THRB: variants seen among roughly 807,000 people sequenced by gnomAD.
The protein encoded by THRB is thyroid hormone receptor beta.
Under a neutral mutation model 47.8 loss-of-function variants are expected in THRB, and 12 were observed. That is an observed-to-expected ratio of 0.25 (90% confidence interval 0.16 to 0.41). THRB has a LOEUF of 0.41. THRB is among the 10% of genes least tolerant of loss of function. The pLI is 1.00. For missense variants in THRB, 348 were observed against 589.2 expected, an observed-to-expected ratio of 0.59 and a Z score of 4.24; for synonymous variants, 218 against 212.2, an observed-to-expected ratio of 1.03 and a Z score of -0.24.
chr3:24,212,796 T>A (rs990757816), intron 4 of THRB, among the ~76,000 whole-genome samples: 1 of 152,124 alleles, frequency 6.6e-6, no homozygotes, highest in Non-Finnish European at 1.5e-5. Context: ...ATAGCCCTCA[T>A]CTAGATGAAG....
chr3:24,352,076 C>G (rs1479657551), intron 1 of THRB, among the ~76,000 whole-genome samples: 3 of 152,072 alleles, frequency 2.0e-5, no homozygotes, highest in Non-Finnish European at 2.9e-5. Context: ...CTTTATCTCT[C>G]TTTTGAGGGT....
chr3:24,165,601 C>T, intron 5 of THRB: 3 of 445,514 alleles, frequency 6.7e-6, no homozygotes, highest in South Asian at 8.4e-5. Flanking sequence ...TTCTGCCATC[C>T]AAACATATTG....
At chr3:24,317,026 T>A (rs2058164133) in intron 2 of THRB, among the ~76,000 whole-genome samples, 1 of 152,154 alleles carries the variant, frequency 6.6e-6, no homozygotes, top group Non-Finnish European at 1.5e-5. Flanking sequence ...CCCAAATCGG[T>A]TAAGAGTTTC....
intron 5 of THRB, among the ~76,000 whole-genome samples, chr3:24,188,123 G>A (rs962122189): frequency 4.6e-5 from 7 of 152,048 alleles, no homozygotes; most frequent in Non-Finnish European, 8.8e-5. Flanking sequence ...CAACTCTAAC[G>A]TCCCTGAAGC....
chr3:24,303,073 C>A lies in THRB; in HGVS notation c.-188-5702G>T, dbSNP rs2057068962. ...GTAATATTTCTCATTTGGTTGTATT[C>A]ATTATGCCAGTTACATCTTGGCCAA... On this transcript the variant is annotated intron_variant, in intron 2 of 10. Coordinates refer to ENST00000646209, the MANE Select transcript of THRB (RefSeq NM_001354712.2). 2.0e-5 allele frequency among the ~76,000 whole-genome samples: 3 copies of A among 152,178 alleles called. No individual in the cohort carries two copies. The South Asian group carries it at 6.2e-4, about 31-fold the overall frequency.
At chr3:24,265,115 ATTACACTGG>A in intron 3 of THRB, among the ~76,000 whole-genome samples, 1 of 152,324 alleles carries the variant, frequency 6.6e-6, no homozygotes, top group South Asian at 2.1e-4. Flanking sequence ...GGGGAAGAGT[ATTACACTGG>A]AAAAAATAGG....
At chr3:24,127,286 CTTCT>C (rs2033025536) in intron 10 of THRB, among the ~76,000 whole-genome samples, 2 of 152,204 alleles carry the variant, frequency 1.3e-5, no homozygotes, top group Admixed American at 6.5e-5. Context: ...GCTCCTTTGG[CTTCT>C]TTCTATCCTG....
chr3:24,206,175 C>A (rs1479296000), intron 4 of THRB, among the ~76,000 whole-genome samples: 1 of 152,146 alleles, frequency 6.6e-6, no homozygotes, highest in East Asian at 1.9e-4. Context: ...CAGAACTGTC[C>A]ACCCCAAATC....
rs77660678 is a variant in THRB, at chr3:24,378,982, T to A, written c.-260-41611A>T. Among the ~76,000 whole-genome samples the A allele has an allele frequency of 4.0e-3, 616 of 152,244 alleles. 3 individuals carry two copies. The highest frequency in any genetic ancestry group is 0.014 in the African/African-American group (577 of 41,554). ...AAAATGCCAGCACCATTTGAAAGCA[T>A]TTTATAATCATCATCTCATTTAACC... On this transcript the variant is annotated intron_variant, in intron 1 of 10. Transcript: ENST00000646209.
chr3:24,427,065 A>G (rs2069842416), intron 1 of THRB, among the ~76,000 whole-genome samples: 1 of 151,982 alleles, frequency 6.6e-6, no homozygotes, highest in Admixed American at 6.6e-5. Context: ...AAATCCTTCC[A>G]TTCATCATTG....
chr3:24,476,169 A>T (rs1695423439), intron 1 of THRB, among the ~76,000 whole-genome samples: 1 of 152,230 alleles, frequency 6.6e-6, no homozygotes, highest in South Asian at 2.1e-4. Flanking sequence ...CCTGCTGCAC[A>T]AACCACCTTG....
intron 1 of THRB, chr3:24,458,977 A>G (rs902303384): frequency 1.3e-5 from 2 of 151,536 alleles, no homozygotes; most frequent in Admixed American, 6.6e-5. Context: ...TATTTATTAT[A>G]CTTTAAGTTC....
chr3:24,419,466 A>G (rs913053183), intron 1 of THRB, among the ~76,000 whole-genome samples: 1 of 151,820 alleles, frequency 6.6e-6, no homozygotes, highest in Non-Finnish European at 1.5e-5. Flanking sequence ...AAAAAATTCT[A>G]TTTAGGGTTC....
At chr3:24,375,432 TATAATA>T (rs1423615098) in intron 1 of THRB, among the ~76,000 whole-genome samples, 1 of 144,288 alleles carries the variant, frequency 6.9e-6, no homozygotes, top group Non-Finnish European at 1.5e-5. Flanking sequence ...TAGTTAGACA[TATAATA>T]TTAATATATT....
At chr3:24,440,927 G>C (rs1026925760) in intron 1 of THRB, among the ~76,000 whole-genome samples, 8 of 152,104 alleles carry the variant, frequency 5.3e-5, no homozygotes, top group Non-Finnish European at 1.0e-4. Context: ...AGTTTCCATG[G>C]GTCAGGAGTC....
chr3:24,487,338 A>ACACAAG (rs532508934), intron 1 of THRB, among the ~76,000 whole-genome samples: 105 of 148,852 alleles, frequency 7.1e-4, no homozygotes, highest in African/African-American at 2.6e-3. Flanking sequence ...GGTTTTAGAC[A>ACACAAG]CACAAGCACA....
At chr3:24,171,725 C>G (rs1034981763) in intron 5 of THRB, among the ~76,000 whole-genome samples, 4 of 152,142 alleles carry the variant, frequency 2.6e-5, no homozygotes, top group Admixed American at 2.0e-4. Context: ...TGGGGATTGA[C>G]TGTCCCTCCT....
intron 1 of THRB, among the ~76,000 whole-genome samples, chr3:24,362,444 G>A (rs1471232760): frequency 6.6e-6 from 1 of 152,108 alleles, no homozygotes; most frequent in Non-Finnish European, 1.5e-5. Context: ...CTCAGTGAGG[G>A]TTTCTCATAC....
At chr3:24,363,185 G>A (rs2064196540) in intron 1 of THRB, among the ~76,000 whole-genome samples, 1 of 152,042 alleles carries the variant, frequency 6.6e-6, no homozygotes, top group Admixed American at 6.6e-5. Flanking sequence ...GGGTAAATAA[G>A]TCAAAGGCCA....
Sources: allele counts gnomAD v4.1 joint callset (sites outside exome capture counted in the v4.1 genomes callset), GRCh38; gene constraint gnomAD v4.1.1; transcripts MANE v1.5; gene names NCBI Gene and HGNC (gene_info 2026-07-23, HGNC 2026-07-21).